SLC25A19: variants seen among roughly 807,000 people sequenced by gnomAD.
SLC25A19 encodes solute carrier family 25 member 19, also known as mitochondrial thiamine pyrophosphate carrier.
Under a neutral mutation model 27.9 loss-of-function variants are expected in SLC25A19, and 18 were observed. That is an observed-to-expected ratio of 0.64 (90% CI 0.45 to 0.96). The LOEUF is 0.96. SLC25A19 is among the 40% of genes least tolerant of loss of function. The pLI is 0.00. For missense variants in SLC25A19, 371 were observed against 418.3 expected, an observed-to-expected ratio of 0.89 and a Z score of 0.99; for synonymous variants, 169 against 167.1, an observed-to-expected ratio of 1.01 and a Z score of -0.09.
chr17:75,276,912 T>C (rs2077903998), intron 7 of SLC25A19, among the ~76,000 whole-genome samples: 1 of 149,912 alleles, frequency 6.7e-6, no homozygotes, highest in African/African-American at 2.4e-5. Flanking sequence ...CTCGATCTCC[T>C]GACCTCGTGA....
chr17:75,272,997 G>C lies in SLC25A19; in HGVS notation c.*454C>G, dbSNP rs2077765063. 1 of 332,288 alleles carries C rather than the reference G, an allele frequency of 3.0e-6. No homozygotes were observed. Among genetic ancestry groups the C allele is most frequent in the Non-Finnish European group, 5.9e-6 (1 of 168,324 alleles). 20.6% of individuals were successfully genotyped at this position (332,288 alleles called of 1,614,324 possible). A position where few individuals can be genotyped will look rare whatever the true frequency, so the allele number is the denominator to read the frequency against. On this transcript the variant is annotated 3_prime_UTR_variant, in exon 8 of 8. Coordinates refer to ENST00000416858, the MANE Select transcript of SLC25A19 (RefSeq NM_001126121.2). ...AGATGGAGTAAGATAAGGAATGTGT[G>C]TTTAGCTTTAATGTCTATTAAATAG...
At chr17:75,273,672 C>T (rs1489022714) in intron 7 of SLC25A19, 33 bp from the exon 8 acceptor site, 4 of 1,599,652 alleles carry the variant, frequency 2.5e-6, no homozygotes, top group Admixed American at 1.7e-5. Context: ...AATATGGATG[C>T]CCGCTCTGCT....
chr17:75,274,393 C>T (rs1173781605), intron 7 of SLC25A19, among the ~76,000 whole-genome samples: 1 of 152,202 alleles, frequency 6.6e-6, no homozygotes, highest in African/African-American at 2.4e-5. Flanking sequence ...CAACCCTCCT[C>T]AAGCCTGGCT....
intron 5 of SLC25A19, among the ~76,000 whole-genome samples, chr17:75,281,891 T>C (rs2078047278): frequency 1.3e-5 from 2 of 152,188 alleles, no homozygotes; most frequent in South Asian, 4.1e-4. Flanking sequence ...CGCACAGTGC[T>C]GCCCACAGTC....
At chr17:75,286,983 T>C in intron 2 of SLC25A19, 181 bp from the exon 3 acceptor site, 3 of 568,224 alleles carry the variant, frequency 5.3e-6, no homozygotes, top group Non-Finnish European at 9.5e-6. Flanking sequence ...GGTGGATTGC[T>C]TGAGCTCAGG....
At chr17:75,279,361 G>A (rs1426407888) in intron 5 of SLC25A19, among the ~76,000 whole-genome samples, 1 of 152,118 alleles carries the variant, frequency 6.6e-6, no homozygotes, top group Non-Finnish European at 1.5e-5. Context: ...TAATATGGTT[G>A]TGACTAGTCT....
chr17:75,274,562 A>G (rs1449081735), intron 7 of SLC25A19, among the ~76,000 whole-genome samples: 1 of 152,154 alleles, frequency 6.6e-6, no homozygotes, highest in African/African-American at 2.4e-5. Context: ...ACCTCTGGCC[A>G]AACTGGATTA....
chr17:75,287,154 C>T (rs903357138), intron 2 of SLC25A19: 1 of 272,492 alleles, frequency 3.7e-6, no homozygotes, highest in Non-Finnish European at 7.2e-6. Context: ...CACTCTGTTG[C>T]CCAGGCTGGA....
intron 5 of SLC25A19, among the ~76,000 whole-genome samples, chr17:75,281,933 T>C (rs2078047926): frequency 1.3e-5 from 2 of 152,052 alleles, no homozygotes; most frequent in East Asian, 3.9e-4. Flanking sequence ...CCAGACAAAC[T>C]GAAAACCCGA....
At position 75,286,343 on chromosome 17, in the gene SLC25A19, G is replaced by T. The variant is rs750812526; in HGVS notation, c.249C>A (p.Val83=). The part of the protein sequence containing the change: ...EGPTAFWKGH[V]PAQILSIGYG... Reference sequence around the variant, plus strand: ...AGCCTATGGAGAGAATCTGAGCTGGGACGTGTCCTTTCCAGAAAGCTGTCG... The same window carrying T: ...AGCCTATGGAGAGAATCTGAGCTGGTACGTGTCCTTTCCAGAAAGCTGTCG... The change falls in exon 4 of 8, where the codon GTC becomes GTA. Residue 83 remains valine, a synonymous_variant. Coordinates refer to ENST00000416858, the MANE Select transcript of SLC25A19 (RefSeq NM_001126121.2). The T allele has an allele frequency of 6.2e-7, 1 of 1,614,130 alleles. No individual in the cohort carries two copies. The highest frequency in any genetic ancestry group is 1.1e-5 in the South Asian group (1 of 91,088).
intron 6 of SLC25A19, 103 bp downstream of exon 6, chr17:75,278,049 G>A: frequency 3.1e-6 from 4 of 1,293,584 alleles, no homozygotes; most frequent in Non-Finnish European, 4.5e-6. Flanking sequence ...GAGACCCGCG[G>A]TCTTTGATTC....
At chr17:75,284,362 C>T (rs1022925889) in intron 4 of SLC25A19, among the ~76,000 whole-genome samples, 1 of 152,196 alleles carries the variant, frequency 6.6e-6, no homozygotes, top group African/African-American at 2.4e-5. Flanking sequence ...GAGATTGCGC[C>T]ACTGCACTCC....
intron 4 of SLC25A19, 32 bp from the exon 5 acceptor site, chr17:75,283,625 C>A (rs200977115): frequency 3.0e-4 from 480 of 1,602,898 alleles, no homozygotes; most frequent in Non-Finnish European, 5.7e-5. Context: ...TCACCGACAG[C>A]CCAAAGGATG....
chr17:75,281,955 C>G (rs2078048323), intron 5 of SLC25A19, among the ~76,000 whole-genome samples: 1 of 152,188 alleles, frequency 6.6e-6, no homozygotes, highest in Admixed American at 6.5e-5. Context: ...CCTCTCCCAG[C>G]TTTGCTTTCT....
At chr17:75,280,580 A>G (rs2078013983) in intron 5 of SLC25A19, among the ~76,000 whole-genome samples, 1 of 151,904 alleles carries the variant, frequency 6.6e-6, no homozygotes, top group African/African-American at 2.4e-5. Flanking sequence ...TTTGGGAGGC[A>G]GAGATGGGTG....
intron 4 of SLC25A19, among the ~76,000 whole-genome samples, chr17:75,284,108 C>T (rs1314922121): frequency 1.3e-5 from 2 of 150,156 alleles, no homozygotes; most frequent in East Asian, 4.0e-4. Context: ...GAGCAAGACT[C>T]GGTCTCAAAA....
intron 5 of SLC25A19, among the ~76,000 whole-genome samples, chr17:75,278,701 GC>G (rs1282213607): frequency 6.6e-6 from 1 of 152,158 alleles, no homozygotes; most frequent in Non-Finnish European, 1.5e-5. Flanking sequence ...GGAAGGTGAG[GC>G]CAGGCGCGGT....
rs757304871 is a variant in SLC25A19, at chr17:75,286,801, A to G, written c.-37T>C. ...GCCCACACAATGTCCATCAGTATCA[A>G]GCTAAATGCAAGAGATACGGAATAA... On this transcript the variant is annotated splice_region_variant and 5_prime_UTR_variant, in exon 3 of 8. Coordinates refer to ENST00000416858, the MANE Select transcript of SLC25A19 (RefSeq NM_001126121.2). 6.2e-7 allele frequency: 1 copy of G among 1,613,772 alleles called. No homozygotes were observed. Among genetic ancestry groups the G allele is most frequent in the Non-Finnish European group, 8.5e-7 (1 of 1,179,828 alleles).
chr17:75,281,654 G>A (rs149298452), intron 5 of SLC25A19, among the ~76,000 whole-genome samples: 2,886 of 152,214 alleles, frequency 0.019, 83 homozygotes, highest in African/African-American at 0.065. Context: ...CTGAGATTGC[G>A]CCACTGCACT....
Sources: gnomAD v4.1 joint callset for allele counts (sites outside exome capture counted in the v4.1 genomes callset) on GRCh38, gnomAD v4.1.1 for gene constraint, MANE v1.5 for transcripts, NCBI Gene and HGNC (gene_info 2026-07-23, HGNC 2026-07-21) for gene names.